SOX30: variants seen among roughly 807,000 people sequenced by gnomAD.
The protein encoded by SOX30 is transcription factor SOX-30.
SOX30 carries 17 observed loss-of-function variants against 58.6 expected under a neutral mutation model. That is an observed-to-expected ratio of 0.29 (90% CI 0.20 to 0.44). The LOEUF is 0.44. Ranked by LOEUF, SOX30 falls within the 20% of genes least tolerant of loss-of-function variation. The probability of loss-of-function intolerance (pLI) is 1.00; values close to 1 mark genes in which losing one functional copy is unlikely to be tolerated. For missense variants in SOX30, 951 were observed against 965.8 expected (o/e 0.98, Z 0.20); for synonymous variants, 421 against 400.2 (o/e 1.05, Z -0.62).
At chr5:157,667,500 A>C (rs748807873) in intron 2 of SOX30, among the ~76,000 whole-genome samples, 6 of 152,200 alleles carry the variant, frequency 3.9e-5, no homozygotes, top group Admixed American at 6.6e-5. Flanking sequence ...TGGGAGGCCA[A>C]GGCGGACGGA....
chr5:157,647,643 C>T (rs887236262), intron 2 of SOX30, among the ~76,000 whole-genome samples: 3 of 152,116 alleles, frequency 2.0e-5, no homozygotes, highest in Non-Finnish European at 4.4e-5. Context: ...CAAGCTCCAC[C>T]TCCTGGGTTC....
rs769774051 is a variant in SOX30, at chr5:157,626,296, A to G, written c.*44T>C. On this transcript the variant is annotated 3_prime_UTR_variant, in exon 5 of 5. Coordinates refer to ENST00000265007, the MANE Select transcript of SOX30 (RefSeq NM_178424.2). ...TTTCTCATACCAACTGACCCAGAAT[A>G]TATTTTAAGAAATGTTTATTTTCTG... The G allele has an allele frequency of 4.7e-5, 70 of 1,488,276 alleles. No homozygotes were observed. Among genetic ancestry groups the G allele is most frequent in the Non-Finnish European group, 6.3e-5 (70 of 1,107,624 alleles). 92.2% of individuals were successfully genotyped at this position (1,488,276 alleles called of 1,614,324 possible).
chr5:157,664,372 G>A (rs1005138029), intron 2 of SOX30, among the ~76,000 whole-genome samples: 1 of 152,174 alleles, frequency 6.6e-6, no homozygotes, highest in Non-Finnish European at 1.5e-5. Flanking sequence ...AAATGGTGCT[G>A]GGAAAACTGG....
intron 4 of SOX30, among the ~76,000 whole-genome samples, chr5:157,630,314 T>C (rs772357373): frequency 1.3e-5 from 2 of 152,202 alleles, no homozygotes; most frequent in African/African-American, 2.4e-5. Context: ...ATAGTTACTA[T>C]TAATATTATT....
intron 2 of SOX30, among the ~76,000 whole-genome samples, chr5:157,659,746 A>G (rs1351527051): frequency 6.6e-6 from 1 of 152,214 alleles, no homozygotes; most frequent in Admixed American, 6.5e-5. Context: ...GACATCATTC[A>G]ATACTGTAAG....
chr5:157,629,438 T>G (rs1758736344), intron 4 of SOX30, among the ~76,000 whole-genome samples: 1 of 152,172 alleles, frequency 6.6e-6, no homozygotes, highest in Non-Finnish European at 1.5e-5. Context: ...AGGTATATAT[T>G]AGACATGTGC....
chr5:157,667,605 G>A (rs1426971286), intron 2 of SOX30, among the ~76,000 whole-genome samples: 1 of 152,040 alleles, frequency 6.6e-6, no homozygotes, highest in African/African-American at 2.4e-5. Context: ...GTGGTGGCAG[G>A]CCCCTGTAAT....
intron 4 of SOX30, among the ~76,000 whole-genome samples, chr5:157,636,779 A>G (rs1758937285): frequency 6.6e-6 from 1 of 152,320 alleles, no homozygotes; most frequent in East Asian, 1.9e-4. Flanking sequence ...TAGACAGTTT[A>G]ATACTCCCGT....
chr5:157,638,804 G>A (rs1758994033), intron 3 of SOX30, 82 bp from the exon 4 acceptor site: 1 of 1,420,688 alleles, frequency 7.0e-7, no homozygotes, highest in Admixed American at 2.2e-5. Context: ...TTAATAAATT[G>A]TATAAGCAGA....
rs369810871 is a variant in SOX30 at position 157,651,224 on chromosome 5, T to C, written c.855A>G (p.Arg285=). 2 of 1,613,850 alleles carry C rather than the reference T, an allele frequency of 1.2e-6. No individual in the cohort carries two copies. The highest frequency in any genetic ancestry group is 1.7e-6 in the Non-Finnish European group (2 of 1,179,944). ...FQGAPPSELI[R]LTKVPLTPVP... ...CTGGTGTCAGGGGGACCTTGGTCAA[T>C]CTTATCAGCTCTGAAGGCGGAGCTC... Residue 285 remains arginine, a synonymous_variant, in exon 1 of 5, where the codon AGA becomes AGG. Transcript: ENST00000265007.
Position 157,648,837 on chromosome 5 carries a change from C to A in SOX30, c.1027G>T (p.Ala343Ser), listed in dbSNP as rs1490204792. Residue 343 changes from alanine (A) to serine (S), a missense_variant, in exon 2 of 5, where the codon GCA becomes TCA. Ala to Ser is a moderately conservative substitution (Grantham distance 99, BLOSUM62 1). Coordinates refer to ENST00000265007, the MANE Select transcript of SOX30 (RefSeq NM_178424.2). ...RNGHVKRPMNAFMVWARIHRP... is the reference protein window; with the variant it reads ...RNGHVKRPMNSFMVWARIHRP... ...TGGATCCTTGCCCAAACCATAAATG[C>A]GTTCATGGGTCGCTTCACATGACCA... The A allele has an allele frequency of 6.2e-7, 1 of 1,611,674 alleles. No homozygotes were observed. The highest frequency in any genetic ancestry group is 1.7e-5 in the Admixed American group (1 of 59,520).
intron 2 of SOX30, among the ~76,000 whole-genome samples, chr5:157,664,389 A>G (rs1759630824): frequency 6.6e-6 from 1 of 152,244 alleles, no homozygotes. Context: ...CTGGCTAGCC[A>G]TAGATAGAAA....
Position 157,638,228 on chromosome 5 carries a change from A to G in SOX30, c.1880+2T>C. 1 of 1,511,932 alleles carries G rather than the reference A, an allele frequency of 6.6e-7. No individual in the cohort carries two copies. The highest frequency in any genetic ancestry group is 8.8e-7 in the Non-Finnish European group (1 of 1,130,330). The allele number at this position is 1,511,932 out of a possible 1,614,324, so 93.7% of individuals were successfully genotyped here. A position where few individuals can be genotyped will look rare whatever the true frequency, so the allele number is the denominator to read the frequency against. The stretch of plus-strand genomic sequence containing the variant: ...GTAAAAGGAAAAAAAATGTTAATTT[A>G]CCTTGATGGGAAGTAGTGAGGTCCG... On this transcript the variant is annotated splice_donor_variant, in intron 4 of 4. Transcript: ENST00000265007. LOFTEE classifies it high-confidence loss of function.
chr5:157,634,737 T>C (rs1581390795), intron 4 of SOX30, among the ~76,000 whole-genome samples: 4 of 152,072 alleles, frequency 2.6e-5, no homozygotes, highest in African/African-American at 9.7e-5. Context: ...AACCTCTGCC[T>C]CCCAAGTTCA....
chr5:157,661,867 T>C (rs962607105), intron 2 of SOX30, among the ~76,000 whole-genome samples: 1 of 140,932 alleles, frequency 7.1e-6, no homozygotes, highest in Non-Finnish European at 1.5e-5. Context: ...AGTATCAGGG[T>C]AAAATGAGCT....
chr5:157,652,335 A>C lies in SOX30; in HGVS notation c.-257T>G. On this transcript the variant is annotated 5_prime_UTR_variant, in exon 1 of 5. Coordinates refer to ENST00000265007, the MANE Select transcript of SOX30 (RefSeq NM_178424.2). The stretch of plus-strand genomic sequence containing the variant: ...GAGTCCTCGAATCACCTGCCATGGT[A>C]GGAGCCGCCGCACTTGTTGCACATT... 8.3e-7 allele frequency: 1 copy of C among 1,208,240 alleles called. No individual in the cohort carries two copies. Among genetic ancestry groups the C allele is most frequent in the East Asian group, 3.4e-5 (1 of 29,198 alleles). 74.8% of individuals were successfully genotyped at this position (1,208,240 alleles called of 1,614,324 possible). A position where few individuals can be genotyped will look rare whatever the true frequency, so the allele number is the denominator to read the frequency against.
chr5:157,669,489 TA>T (rs1759733826), intron 1 of SOX30, among the ~76,000 whole-genome samples: 4 of 114,132 alleles, frequency 3.5e-5, no homozygotes, highest in African/African-American at 1.3e-4. Flanking sequence ...CCATCAATTT[TA>T]TTTATTTATT....
intron 1 of SOX30, among the ~76,000 whole-genome samples, chr5:157,669,090 A>G (rs1231943407): frequency 6.6e-6 from 1 of 152,204 alleles, no homozygotes; most frequent in Non-Finnish European, 1.5e-5. Context: ...ACTAGGGCAG[A>G]TCCCACAGAG....
upstream of SOX30, among the ~76,000 whole-genome samples, chr5:157,652,818 G>C (rs564469380): frequency 9.9e-5 from 15 of 152,040 alleles, no homozygotes; most frequent in African/African-American, 3.6e-4. Flanking sequence ...GGATACTGCC[G>C]TAACCCTGTA....
Sources: gnomAD v4.1 joint callset for allele counts (sites outside exome capture counted in the v4.1 genomes callset) on GRCh38, gnomAD v4.1.1 for gene constraint, MANE v1.5 for transcripts, NCBI Gene and HGNC (gene_info 2026-07-23, HGNC 2026-07-21) for gene names.